Variants in LIX1 observed in about 807,000 individuals in gnomAD.
The protein encoded by LIX1 is protein limb expression 1 homolog.
A neutral mutation model predicts 33.4 loss-of-function variants in LIX1; 24 were observed. The observed-to-expected ratio is 0.72, with a 90% CI of 0.52 to 1.01. The LOEUF is 1.01. Among genes scored for constraint, LIX1 ranks in the 50% least tolerant of loss-of-function variants. The pLI is 0.00. For missense variants in LIX1, 311 were observed against 339.2 expected, an observed-to-expected ratio of 0.92 and a Z score of 0.65; for synonymous variants, 124 against 124.0, an observed-to-expected ratio of 1.00 and a Z score of 0.00.
At chr5:97,099,026 T>C (rs555603237) in intron 4 of LIX1, among the ~76,000 whole-genome samples, 1 of 152,280 alleles carries the variant, frequency 6.6e-6, no homozygotes, top group African/African-American at 2.4e-5. Flanking sequence ...ACCACTTGTG[T>C]CTGCTAATTA....
At chr5:97,105,644 C>T (rs1746976631) in intron 3 of LIX1, among the ~76,000 whole-genome samples, 1 of 152,162 alleles carries the variant, frequency 6.6e-6, no homozygotes, top group South Asian at 2.1e-4. Flanking sequence ...CCAGTGATAA[C>T]CAGGCAAGAT....
intron 2 of LIX1, among the ~76,000 whole-genome samples, chr5:97,121,539 C>T (rs1168851381): frequency 2.6e-5 from 4 of 152,160 alleles, no homozygotes; most frequent in Non-Finnish European, 5.9e-5. Flanking sequence ...GTCTGCTACT[C>T]TATTTGCTCC....
chr5:97,110,922 T>C (rs1747356193), intron 2 of LIX1, among the ~76,000 whole-genome samples: 1 of 152,172 alleles, frequency 6.6e-6, no homozygotes, highest in African/African-American at 2.4e-5. Flanking sequence ...TTAGGCAACT[T>C]GTATGAAACC....
rs1746094210 is a variant in LIX1, at chr5:97,092,036, A to G, written c.*2712T>C. 1 of 152,336 alleles carries G rather than the reference A, an allele frequency of 6.6e-6. No homozygotes were observed. The highest frequency in any genetic ancestry group is 6.5e-5 in the Admixed American group (1 of 15,276). The allele number at this position is 152,336 out of a possible 1,614,324, so 9.4% of individuals were successfully genotyped here. On this transcript the variant is annotated 3_prime_UTR_variant, in exon 6 of 6. Transcript: ENST00000274382. The stretch of plus-strand genomic sequence containing the variant: ...CAAACACAGTGCAATTTTGGATTTC[A>G]GGATTATGACAGTTGTGTTAGAAAC...
chr5:97,118,883 T>G (rs1747706319), intron 2 of LIX1, among the ~76,000 whole-genome samples: 1 of 152,160 alleles, frequency 6.6e-6, no homozygotes, highest in Non-Finnish European at 1.5e-5. Context: ...TAGGTTGTGG[T>G]GTCAAGGCTA....
intron 2 of LIX1, among the ~76,000 whole-genome samples, chr5:97,110,738 T>C (rs1747343293): frequency 6.6e-6 from 1 of 152,174 alleles, no homozygotes; most frequent in Admixed American, 6.5e-5. Flanking sequence ...GCCACAGTGC[T>C]GGGCCCAAAG....
chr5:97,129,828 A>G (rs1748015569), intron 1 of LIX1, among the ~76,000 whole-genome samples: 4 of 152,232 alleles, frequency 2.6e-5, no homozygotes, highest in Admixed American at 2.6e-4. Context: ...AGTATAGAAG[A>G]TGGGCTGCAT....
intron 2 of LIX1, among the ~76,000 whole-genome samples, chr5:97,122,721 G>A (rs988774879): frequency 9.2e-5 from 14 of 152,096 alleles, no homozygotes; most frequent in Non-Finnish European, 2.1e-4. Flanking sequence ...AGTTTGACCA[G>A]AACATGTTTT....
chr5:97,117,726 A>G lies in LIX1; in HGVS notation c.246+6740T>C, dbSNP rs549998545. Reference sequence around the variant, plus strand: ...TTAAGGCTGTATGCTCCTTGGAAAAATAGTTTTTCTAGATATCAGCATAGG... The same window carrying G: ...TTAAGGCTGTATGCTCCTTGGAAAAGTAGTTTTTCTAGATATCAGCATAGG... On this transcript the variant is annotated intron_variant, in intron 2 of 5. Coordinates refer to ENST00000274382, the MANE Select transcript of LIX1 (RefSeq NM_153234.5). 5.3e-5 allele frequency among the ~76,000 whole-genome samples: 8 copies of G among 152,332 alleles called. No homozygotes were observed. The South Asian group carries it at 1.7e-3, about 32-fold the overall frequency.
chr5:97,130,397 G>A (rs1748029381), intron 1 of LIX1, among the ~76,000 whole-genome samples: 1 of 152,196 alleles, frequency 6.6e-6, no homozygotes, highest in South Asian at 2.1e-4. Flanking sequence ...TCTCCCAGTG[G>A]ACACTAAAGG....
chr5:97,121,172 A>G (rs1164939923), intron 2 of LIX1, among the ~76,000 whole-genome samples: 1 of 152,166 alleles, frequency 6.6e-6, no homozygotes, highest in East Asian at 1.9e-4. Context: ...AATTTTAAAA[A>G]CAGATAGTGT....
intron 2 of LIX1, among the ~76,000 whole-genome samples, chr5:97,113,743 T>A (rs1747537638): frequency 6.6e-6 from 1 of 152,218 alleles, no homozygotes; most frequent in Non-Finnish European, 1.5e-5. Context: ...GGACATATAA[T>A]TTGCCTAAGG....
At chr5:97,117,861 C>T (rs1339886530) in intron 2 of LIX1, among the ~76,000 whole-genome samples, 1 of 151,822 alleles carries the variant, frequency 6.6e-6, no homozygotes, top group Non-Finnish European at 1.5e-5. Flanking sequence ...CACTGTGTGC[C>T]ACCCCGCATC....
At chr5:97,132,230 C>T (rs972980765) in intron 1 of LIX1, among the ~76,000 whole-genome samples, 3 of 152,048 alleles carry the variant, frequency 2.0e-5, no homozygotes, top group South Asian at 2.1e-4. Flanking sequence ...TCTCTGCCCA[C>T]GGAGATTTAC....
chr5:97,108,461 C>T (rs1747189879), intron 2 of LIX1, among the ~76,000 whole-genome samples: 1 of 152,146 alleles, frequency 6.6e-6, no homozygotes, highest in African/African-American at 2.4e-5. Context: ...TTCTGTCCTC[C>T]CTGCCTCTGA....
At chr5:97,136,744 G>GA (rs979537413) in intron 1 of LIX1, among the ~76,000 whole-genome samples, 6 of 148,336 alleles carry the variant, frequency 4.0e-5, no homozygotes, top group East Asian at 2.0e-4. Flanking sequence ...ATCGCAGGAG[G>GA]AAAAAAAAAC....
intron 2 of LIX1, among the ~76,000 whole-genome samples, chr5:97,123,355 T>C (rs1045235175): frequency 6.6e-6 from 1 of 152,212 alleles, no homozygotes; most frequent in African/African-American, 2.4e-5. Flanking sequence ...ACCTTTCACA[T>C]ACCCGCTCCA....
chr5:97,099,764 G>A (rs1297365536), intron 4 of LIX1, among the ~76,000 whole-genome samples: 1 of 152,130 alleles, frequency 6.6e-6, no homozygotes, highest in African/African-American at 2.4e-5. Flanking sequence ...TTGAACCTGG[G>A]AGGCGGAGAG....
At chr5:97,099,956 C>A (rs1010135506) in intron 4 of LIX1, among the ~76,000 whole-genome samples, 2 of 152,194 alleles carry the variant, frequency 1.3e-5, no homozygotes, top group African/African-American at 4.8e-5. Context: ...CTATAGCTAT[C>A]TATCTTGGCA....
Sources: gnomAD v4.1 joint callset for allele counts (sites outside exome capture counted in the v4.1 genomes callset) on GRCh38, gnomAD v4.1.1 for gene constraint, MANE v1.5 for transcripts, NCBI Gene and HGNC (gene_info 2026-07-23, HGNC 2026-07-21) for gene names.